The following CEP112 variants were observed in gnomAD, a reference collection of about 807,000 sequenced individuals.
The protein encoded by CEP112 is centrosomal protein 112.
A neutral mutation model predicts 153.0 loss-of-function variants in CEP112; 127 were observed. The observed-to-expected ratio is 0.83, with a 90% CI of 0.72 to 0.96. The LOEUF (loss-of-function observed/expected upper bound fraction) is 0.96, where lower values mean the gene tolerates loss of function less well. Among genes scored for constraint, CEP112 ranks in the 40% least tolerant of loss-of-function variants. The pLI, the probability that CEP112 is intolerant of heterozygous loss-of-function variation, is 0.00. For synonymous variants in CEP112, 358 were observed against 374.4 expected, an observed-to-expected ratio of 0.96 and a Z score of 0.51; for missense variants, 1,089 against 1,101.2, an observed-to-expected ratio of 0.99 and a Z score of 0.16.
intron 16 of CEP112, among the ~76,000 whole-genome samples, chr17:66,010,352 T>C (rs575488747): frequency 6.6e-6 from 1 of 152,296 alleles, no homozygotes; most frequent in South Asian, 2.1e-4. Context: ...TGAAGTTGTT[T>C]ATCAGATCAA....
At chr17:66,042,031 C>A (rs2066005188) in intron 12 of CEP112, among the ~76,000 whole-genome samples, 1 of 152,068 alleles carries the variant, frequency 6.6e-6, no homozygotes, top group Non-Finnish European at 1.5e-5. Flanking sequence ...AATTAATATG[C>A]ACAGGTATGA....
chr17:66,109,996 TA>T (rs1233783338), intron 6 of CEP112, among the ~76,000 whole-genome samples: 1 of 152,036 alleles, frequency 6.6e-6, no homozygotes, highest in Non-Finnish European at 1.5e-5. Flanking sequence ...CCATCTCTAC[TA>T]AAAATACAAA....
intron 10 of CEP112, among the ~76,000 whole-genome samples, chr17:66,065,908 C>T (rs982054471): frequency 6.6e-6 from 1 of 152,132 alleles, no homozygotes; most frequent in African/African-American, 2.4e-5. Flanking sequence ...GGATTACAGG[C>T]GTAAGCCACC....
rs377047829 is a variant in CEP112, at chr17:66,165,501, A to C, written c.470+9543T>G. Among the ~76,000 whole-genome samples, 550 of 152,342 alleles carry C rather than the reference A, an allele frequency of 3.6e-3. 2 individuals carry two copies. The highest frequency in any genetic ancestry group is 0.02 in the Middle Eastern group (6 of 294). On this transcript the variant is annotated intron_variant, in intron 4 of 26. Coordinates refer to ENST00000535342, the MANE Select transcript of CEP112 (RefSeq NM_001199165.4). ...GGTAATATTTAAGAAGGTTTTACTA[A>C]GAAGGAAAGGTATTGATTGGCTCCT...
intron 23 of CEP112, among the ~76,000 whole-genome samples, chr17:65,730,631 G>A (rs560919463): frequency 1.3e-5 from 2 of 152,250 alleles, no homozygotes; most frequent in East Asian, 1.9e-4. Flanking sequence ...GCTAGGCATC[G>A]AGATTTCTTC....
At chr17:65,927,298 T>C (rs2060961974) in intron 19 of CEP112, among the ~76,000 whole-genome samples, 1 of 152,182 alleles carries the variant, frequency 6.6e-6, no homozygotes, top group African/African-American at 2.4e-5. Flanking sequence ...TGCAGAACTG[T>C]GAGCCAATCA....
intron 20 of CEP112, among the ~76,000 whole-genome samples, chr17:65,862,045 A>C (rs1194724201): frequency 6.6e-6 from 1 of 152,244 alleles, no homozygotes; most frequent in Non-Finnish European, 1.5e-5. Context: ...CAATGGGTGA[A>C]TCTTAAACAT....
At chr17:65,854,585 T>C (rs1403021391) in intron 20 of CEP112, among the ~76,000 whole-genome samples, 3 of 152,242 alleles carry the variant, frequency 2.0e-5, no homozygotes, top group Non-Finnish European at 4.4e-5. Flanking sequence ...ATTTTTATCC[T>C]GCCTTTCTAA....
At chr17:65,740,337 C>T (rs900244059) in intron 23 of CEP112, among the ~76,000 whole-genome samples, 3 of 152,120 alleles carry the variant, frequency 2.0e-5, no homozygotes, top group Non-Finnish European at 4.4e-5. Context: ...GAACAAGCAT[C>T]TTTTTGATTA....
chr17:65,850,902 A>G (rs1390481472), intron 21 of CEP112, among the ~76,000 whole-genome samples: 1 of 152,168 alleles, frequency 6.6e-6, no homozygotes, highest in Non-Finnish European at 1.5e-5. Context: ...GTTCATAGCT[A>G]TGCTATCAAG....
At chr17:65,817,858 G>C (rs1015371559) in intron 21 of CEP112, among the ~76,000 whole-genome samples, 1 of 151,818 alleles carries the variant, frequency 6.6e-6, no homozygotes, top group Admixed American at 6.6e-5. Context: ...CCTGACAAAC[G>C]TAATTTGCTT....
chr17:65,939,200 T>C (rs1331239816), intron 18 of CEP112, among the ~76,000 whole-genome samples: 1 of 152,178 alleles, frequency 6.6e-6, no homozygotes, highest in East Asian at 1.9e-4. Context: ...AAAAGATGTA[T>C]ACATTGAAAA....
At chr17:66,087,109 A>G (rs900835868) in intron 8 of CEP112, among the ~76,000 whole-genome samples, 1 of 152,240 alleles carries the variant, frequency 6.6e-6, no homozygotes, top group Non-Finnish European at 1.5e-5. Flanking sequence ...AAACTTCTCA[A>G]TGATGCCTCA....
At chr17:65,897,956 A>G (rs1416433113) in intron 20 of CEP112, among the ~76,000 whole-genome samples, 1 of 152,106 alleles carries the variant, frequency 6.6e-6, no homozygotes, top group Non-Finnish European at 1.5e-5. Context: ...AATTAGAATT[A>G]TACAATTCAC....
At chr17:66,183,378 T>TA (rs951869090) in intron 1 of CEP112, 71 bp from the exon 2 acceptor site, 84 of 1,061,068 alleles carry the variant, frequency 7.9e-5, no homozygotes, top group South Asian at 1.1e-4. Context: ...ATGAGAAAGA[T>TA]AAAAAAAACT....
chr17:65,780,984 A>G (rs1325974929), intron 21 of CEP112, among the ~76,000 whole-genome samples: 2 of 152,174 alleles, frequency 1.3e-5, no homozygotes, highest in Non-Finnish European at 2.9e-5. Context: ...TGGAAAGTTT[A>G]TAAAATATAT....
At chr17:65,769,882 T>C (rs998667696) in intron 21 of CEP112, among the ~76,000 whole-genome samples, 5 of 151,980 alleles carry the variant, frequency 3.3e-5, no homozygotes, top group African/African-American at 9.7e-5. Context: ...AATGGCAACT[T>C]CCAAGCACCT....
At chr17:65,664,754 T>C (rs910314587) in intron 24 of CEP112, among the ~76,000 whole-genome samples, 2 of 152,238 alleles carry the variant, frequency 1.3e-5, no homozygotes, top group African/African-American at 4.8e-5. Context: ...CCCACTGAAC[T>C]ATCTCTGTTA....
intron 17 of CEP112, among the ~76,000 whole-genome samples, chr17:66,000,045 C>T (rs2063955319): frequency 6.6e-6 from 1 of 152,076 alleles, no homozygotes; most frequent in Non-Finnish European, 1.5e-5. Flanking sequence ...GTGCATGTGT[C>T]TTTATAATAG....
Sources: allele counts gnomAD v4.1 joint callset (sites outside exome capture counted in the v4.1 genomes callset), GRCh38; gene constraint gnomAD v4.1.1; transcripts MANE v1.5; gene names NCBI Gene and HGNC (gene_info 2026-07-23, HGNC 2026-07-21).